Variants in ARHGAP15 observed in about 807,000 individuals in gnomAD.
The protein encoded by ARHGAP15 is rho GTPase-activating protein 15.
ARHGAP15 carries 51 observed loss-of-function variants against 63.7 expected under a neutral mutation model. The ratio of observed to expected loss-of-function variants is 0.80; its 90% confidence interval spans 0.64 to 1.01. The LOEUF (loss-of-function observed/expected upper bound fraction) is 1.01. Among genes scored for constraint, ARHGAP15 ranks in the 50% least tolerant of loss-of-function variants. The pLI, the probability that ARHGAP15 is intolerant of heterozygous loss-of-function variation, is 0.00. For missense variants in ARHGAP15, 560 were observed against 564.6 expected (o/e 0.99, Z 0.08); for synonymous variants, 191 against 193.8 (o/e 0.99, Z 0.12).
chr2:143,346,240 A>ACACACTCTCTCT (rs1251167389), intron 6 of ARHGAP15, among the ~76,000 whole-genome samples: 2 of 143,612 alleles, frequency 1.4e-5, no homozygotes, highest in African/African-American at 2.7e-5. Context: ...TCTCTCTCAC[A>ACACACTCTCTCT]CACACACACT....
rs185985575 is a variant in ARHGAP15 at position 143,346,162 on chromosome 2, A to T, written c.475-89439A>T. On this transcript the variant is annotated intron_variant, in intron 6 of 13. Transcript: ENST00000295095. ...ATGTCCTGTACAAATGAGCACACAC[A>T]CACACACACACTCTCTCTCTCACAC... Among the ~76,000 whole-genome samples the T allele has an allele frequency of 2.7e-5, 3 of 110,868 alleles. No homozygotes were observed. In the Admixed American group the frequency reaches 2.9e-4, roughly 11 times the overall value. 72.7% of individuals were successfully genotyped at this position (110,868 alleles called of 152,430 possible). A position where few individuals can be genotyped will look rare whatever the true frequency, so the allele number is the denominator to read the frequency against.
At chr2:143,148,672 T>C (rs1689689305) in intron 1 of ARHGAP15, among the ~76,000 whole-genome samples, 1 of 152,090 alleles carries the variant, frequency 6.6e-6, no homozygotes, top group Admixed American at 6.6e-5. Flanking sequence ...ATTATCACAT[T>C]TCCTATATAT....
chr2:143,627,178 G>T (rs1698866717), intron 12 of ARHGAP15, among the ~76,000 whole-genome samples: 1 of 152,132 alleles, frequency 6.6e-6, no homozygotes, highest in Non-Finnish European at 1.5e-5. Flanking sequence ...TAAATTTATG[G>T]CATTTTTTAT....
At chr2:143,435,164 C>A in intron 6 of ARHGAP15, 2 of 670,292 alleles carry the variant, frequency 3.0e-6, no homozygotes, top group Non-Finnish European at 3.7e-6. Flanking sequence ...TGTTTTAGAG[C>A]TCTCCATAAA....
chr2:143,381,144 TC>T (rs937635456), intron 6 of ARHGAP15, among the ~76,000 whole-genome samples: 1 of 152,172 alleles, frequency 6.6e-6, no homozygotes, highest in African/African-American at 2.4e-5. Context: ...TTAAAACAAG[TC>T]TAGTCGAGTG....
chr2:143,426,110 G>A (rs984982686), intron 6 of ARHGAP15, among the ~76,000 whole-genome samples: 2 of 152,148 alleles, frequency 1.3e-5, no homozygotes, highest in Non-Finnish European at 2.9e-5. Context: ...ATATGTGTGT[G>A]TGCCTGGGCT....
chr2:143,440,772 G>A (rs186144249), intron 8 of ARHGAP15, among the ~76,000 whole-genome samples: 187 of 152,242 alleles, frequency 1.2e-3, no homozygotes, highest in Non-Finnish European at 2.1e-3. Context: ...CCAAATCACT[G>A]TGGGAAACTC....
At chr2:143,404,330 A>G (rs951803839) in intron 6 of ARHGAP15, among the ~76,000 whole-genome samples, 10 of 151,960 alleles carry the variant, frequency 6.6e-5, no homozygotes, top group African/African-American at 2.4e-4. Flanking sequence ...AAGGCAAAAC[A>G]TTCTATGGAA....
At chr2:143,254,796 T>G (rs1680337645) in intron 6 of ARHGAP15, among the ~76,000 whole-genome samples, 1 of 152,100 alleles carries the variant, frequency 6.6e-6, no homozygotes, top group South Asian at 2.1e-4. Context: ...GAACACTTTT[T>G]AGCTGAATAA....
At chr2:143,448,018 C>A (rs997783227) in intron 8 of ARHGAP15, among the ~76,000 whole-genome samples, 1 of 152,154 alleles carries the variant, frequency 6.6e-6, no homozygotes, top group African/African-American at 2.4e-5. Flanking sequence ...GGGAAGAGAA[C>A]ATACCTATGA....
At chr2:143,562,674 C>T (rs1040932020) in intron 11 of ARHGAP15, among the ~76,000 whole-genome samples, 2 of 152,164 alleles carry the variant, frequency 1.3e-5, no homozygotes, top group African/African-American at 4.8e-5. Flanking sequence ...CAGACTCTAA[C>T]ATCATTCAGG....
At chr2:143,697,751 G>T (rs1683916137) in intron 12 of ARHGAP15, among the ~76,000 whole-genome samples, 2 of 152,052 alleles carry the variant, frequency 1.3e-5, no homozygotes, top group South Asian at 4.2e-4. Context: ...CTCAAGTTTT[G>T]GCATTAAAAA....
At chr2:143,257,300 G>C (rs986676734) in intron 6 of ARHGAP15, among the ~76,000 whole-genome samples, 3 of 152,058 alleles carry the variant, frequency 2.0e-5, no homozygotes, top group Admixed American at 2.0e-4. Context: ...GAAAATAGTA[G>C]TATTAGTACA....
chr2:143,321,089 G>A (rs1450389635), intron 6 of ARHGAP15, among the ~76,000 whole-genome samples: 1 of 152,066 alleles, frequency 6.6e-6, no homozygotes, highest in Non-Finnish European at 1.5e-5. Flanking sequence ...CTGGCTCTCA[G>A]GGCCCACTAC....
intron 12 of ARHGAP15, among the ~76,000 whole-genome samples, chr2:143,701,088 G>A (rs140756765): frequency 4.9e-4 from 75 of 152,032 alleles, no homozygotes; most frequent in African/African-American, 1.7e-3. Context: ...AATTTTGAAA[G>A]CTTTGACTGT....
chr2:143,578,844 T>C (rs554540445), intron 11 of ARHGAP15, among the ~76,000 whole-genome samples: 97 of 152,320 alleles, frequency 6.4e-4, no homozygotes, highest in African/African-American at 2.3e-3. Flanking sequence ...ATTTTGTTAA[T>C]AGATGAGCTA....
intron 2 of ARHGAP15, among the ~76,000 whole-genome samples, chr2:143,162,909 T>A (rs1690355165): frequency 6.6e-6 from 1 of 152,022 alleles, no homozygotes; most frequent in South Asian, 2.1e-4. Flanking sequence ...CAGTGTGCAC[T>A]CACGAACAGG....
intron 6 of ARHGAP15, among the ~76,000 whole-genome samples, chr2:143,334,809 C>G (rs578120282): frequency 2.0e-5 from 3 of 152,166 alleles, no homozygotes; most frequent in South Asian, 4.1e-4. Context: ...ACTGCTTCAA[C>G]AGCCAGGCGT....
intron 2 of ARHGAP15, among the ~76,000 whole-genome samples, chr2:143,192,624 G>A (rs1691726398): frequency 6.6e-6 from 1 of 152,028 alleles, no homozygotes; most frequent in Admixed American, 6.6e-5. Flanking sequence ...CCTCTCCACG[G>A]GTTTGCTGTA....
Sources: allele counts gnomAD v4.1 joint callset (sites outside exome capture counted in the v4.1 genomes callset), GRCh38; gene constraint gnomAD v4.1.1; transcripts MANE v1.5; gene names NCBI Gene and HGNC (gene_info 2026-07-23, HGNC 2026-07-21).